Variants in RAP1GAP2 observed in about 807,000 individuals in gnomAD.
RAP1GAP2 encodes rap1 GTPase-activating protein 2.
A neutral mutation model predicts 95.0 loss-of-function variants in RAP1GAP2; 27 were observed. The ratio of observed to expected loss-of-function variants is 0.28; its 90% CI spans 0.21 to 0.39. RAP1GAP2 has a LOEUF of 0.39. Among genes scored for constraint, RAP1GAP2 ranks in the 10% least tolerant of loss-of-function variants. RAP1GAP2 has a pLI of 1.00. For missense variants in RAP1GAP2, 771 were observed against 970.0 expected (o/e 0.79, Z 2.72); for synonymous variants, 373 against 380.9 (o/e 0.98, Z 0.24).
chr17:2,850,858 CGAG>C (rs1179647828), intron 2 of RAP1GAP2, among the ~76,000 whole-genome samples: 20 of 151,818 alleles, frequency 1.3e-4, no homozygotes, highest in Admixed American at 1.3e-3. Context: ...GTCAGGAGTT[CGAG>C]ATCAGCCTGG....
chr17:2,993,147 A>G (rs937876598), intron 12 of RAP1GAP2, among the ~76,000 whole-genome samples: 53 of 150,840 alleles, frequency 3.5e-4, no homozygotes, highest in Admixed American at 3.3e-4. Flanking sequence ...GCTTGAACCC[A>G]AAAGGCAGTG....
chr17:2,965,623 G>T lies in RAP1GAP2; in HGVS notation c.576G>T (p.Glu192Asp). 6.2e-7 allele frequency: 1 copy of T among 1,610,228 alleles called. No homozygotes were observed. The highest frequency in any genetic ancestry group is 1.8e-4 in the Middle Eastern group (1 of 5,584). Reference protein sequence around the residue: ...SVKCEEAEGIEYLRVILRSKL... With the variant: ...SVKCEEAEGIDYLRVILRSKL... ...AGTGCGAGGAAGCAGAGGGGATCGA[G>T]TACCTCCGGGTCATCCTTAGGTAGG... Residue 192 changes from glutamate to aspartate, a missense_variant, in exon 8 of 25, where the codon GAG (glutamate) becomes GAT (aspartate). Physicochemically the swap from Glu to Asp is conservative, Grantham distance 45. Transcript: ENST00000254695. This position sits in a 1 kb window ranked among gnomAD's most constrained non-coding sequence, Gnocchi z 4.7.
At position 3,029,498 on chromosome 17, in the gene RAP1GAP2, C is replaced by A. The variant is rs934350545; in HGVS notation, c.2108-1424C>A. On this transcript the variant is annotated intron_variant, in intron 22 of 24. Coordinates refer to ENST00000254695, the MANE Select transcript of RAP1GAP2 (RefSeq NM_015085.5). The surrounding 1 kb of genome is among the most constrained non-coding windows in gnomAD (Gnocchi z 4.4). The stretch of plus-strand genomic sequence containing the variant: ...CTGTTTGGCTGAGTCTGGGGAGAGG[C>A]AGGGTGGAGTGGGGAGAGGTGGCCT... 2.6e-5 allele frequency among the ~76,000 whole-genome samples: 4 copies of A among 152,068 alleles called. No individual in the cohort carries two copies. Among genetic ancestry groups the A allele is most frequent in the Admixed American group, 1.3e-4 (2 of 15,256 alleles).
intron 17 of RAP1GAP2, among the ~76,000 whole-genome samples, chr17:3,017,369 C>G (rs1306340894): frequency 6.6e-6 from 1 of 151,908 alleles, no homozygotes; most frequent in Non-Finnish European, 1.5e-5. Flanking sequence ...GCATCTCTTT[C>G]AGCACCTCCA....
At chr17:2,947,931 TC>T (rs1300035006) in intron 3 of RAP1GAP2, among the ~76,000 whole-genome samples, 1 of 151,830 alleles carries the variant, frequency 6.6e-6, no homozygotes, top group African/African-American at 2.4e-5. Flanking sequence ...GGCCCGCATC[TC>T]CCCCCGATTT....
intron 19 of RAP1GAP2, among the ~76,000 whole-genome samples, chr17:3,024,974 T>C (rs2151655928): frequency 6.6e-6 from 1 of 152,300 alleles, no homozygotes; most frequent in East Asian, 1.9e-4. Flanking sequence ...AATCAGATGG[T>C]GGTGATAGTT....
intron 8 of RAP1GAP2, among the ~76,000 whole-genome samples, chr17:2,978,483 G>T (rs931169685): frequency 6.6e-6 from 1 of 152,170 alleles, no homozygotes; most frequent in Admixed American, 6.5e-5. Flanking sequence ...GAGTGGGATG[G>T]TGGAAGATTT....
At chr17:2,840,274 C>T (rs1198656453) in intron 2 of RAP1GAP2, among the ~76,000 whole-genome samples, 3 of 151,980 alleles carry the variant, frequency 2.0e-5, no homozygotes, top group Admixed American at 2.0e-4. Context: ...AGCGATTCTC[C>T]TGCCTCAGCC....
intron 8 of RAP1GAP2, among the ~76,000 whole-genome samples, chr17:2,977,382 C>T (rs2045168265): frequency 6.6e-6 from 1 of 152,104 alleles, no homozygotes; most frequent in African/African-American, 2.4e-5. Flanking sequence ...ACAGCAGGCC[C>T]AGAGATGTCA....
At position 3,037,539 on chromosome 17, in the gene RAP1GAP2, GC is replaced by G. The variant is rs2047507158; in HGVS notation, c.*4179del. On this transcript the variant is annotated 3_prime_UTR_variant, in exon 25 of 25. Coordinates refer to ENST00000254695, the MANE Select transcript of RAP1GAP2 (RefSeq NM_015085.5). ...TGATGCTCCATGTGACGACGACTTT[GC>G]TTTCTTTCCTCTTAGTGAGGAGGTG... The G allele has an allele frequency of 6.6e-6, 1 of 152,320 alleles. No individual in the cohort carries two copies. The highest frequency in any genetic ancestry group is 1.5e-5 in the Non-Finnish European group (1 of 67,982). The allele number at this position is 152,320 out of a possible 1,614,324, so 9.4% of individuals were successfully genotyped here.
chr17:2,984,040 A>T (rs1372069194), intron 10 of RAP1GAP2, among the ~76,000 whole-genome samples: 1 of 152,210 alleles, frequency 6.6e-6, no homozygotes, highest in African/African-American at 2.4e-5. Flanking sequence ...CTACATAGGT[A>T]AAAACAGTGG....
At chr17:2,947,099 GCACTGC>G (rs2151445028) in intron 3 of RAP1GAP2, among the ~76,000 whole-genome samples, 1 of 152,308 alleles carries the variant, frequency 6.6e-6, no homozygotes, top group East Asian at 1.9e-4. Flanking sequence ...TGTGGCATTA[GCACTGC>G]CACACTTAAC....
At chr17:2,770,499 C>A (rs369871781) in intron 2 of RAP1GAP2, 1 of 398,448 alleles carries the variant, frequency 2.5e-6, no homozygotes, top group Admixed American at 4.4e-5. Context: ...GCCCAGGCCT[C>A]TCAGCTGGTA....
At chr17:2,803,490 A>G (rs573185307) in intron 2 of RAP1GAP2, among the ~76,000 whole-genome samples, 1 of 152,372 alleles carries the variant, frequency 6.6e-6, no homozygotes, top group East Asian at 1.9e-4. Context: ...GCTTCTTTGC[A>G]GACATGGATA....
At chr17:2,816,496 C>T (rs374886911) in intron 2 of RAP1GAP2, among the ~76,000 whole-genome samples, 1 of 152,030 alleles carries the variant, frequency 6.6e-6, no homozygotes, top group Non-Finnish European at 1.5e-5. Flanking sequence ...CGACACCACA[C>T]CTGGCTAATT....
At chr17:2,863,148 G>A (rs1002390428) in intron 2 of RAP1GAP2, among the ~76,000 whole-genome samples, 3 of 152,056 alleles carry the variant, frequency 2.0e-5, no homozygotes, top group Admixed American at 6.6e-5. Flanking sequence ...TTCTGAGTGC[G>A]GGGGTCCTGG....
chr17:3,026,443 C>T lies in RAP1GAP2; in HGVS notation c.1959C>T (p.Ala653=), dbSNP rs182357776. The T allele has an allele frequency of 1.3e-6, 2 of 1,551,778 alleles. No individual in the cohort carries two copies. Among genetic ancestry groups the T allele is most frequent in the Non-Finnish European group, 1.7e-6 (2 of 1,147,274 alleles). ...SVSSTAGEGE[A]MEEGDSGGSQ... ...GCAGCACTGCAGGGGAGGGCGAGGCCATGGAGGAGGGCGACAGTGGGGTAG... is the reference window on the plus strand; with the variant it reads ...GCAGCACTGCAGGGGAGGGCGAGGCTATGGAGGAGGGCGACAGTGGGGTAG... Residue 653 remains alanine, a synonymous_variant, in exon 21 of 25, where the codon GCC becomes GCT. Coordinates refer to ENST00000254695, the MANE Select transcript of RAP1GAP2 (RefSeq NM_015085.5).
intron 3 of RAP1GAP2, among the ~76,000 whole-genome samples, chr17:2,912,699 G>A (rs927372717): frequency 4.6e-5 from 7 of 152,248 alleles, no homozygotes; most frequent in East Asian, 1.9e-4. Flanking sequence ...TCTCCACATC[G>A]ATTGTGTTTC....
At chr17:2,787,870 G>A (rs1364667547) in intron 1 of RAP1GAP2, among the ~76,000 whole-genome samples, 4 of 152,144 alleles carry the variant, frequency 2.6e-5, no homozygotes, top group Non-Finnish European at 5.9e-5. Context: ...CCCAGCCTGT[G>A]CCTGTTTTTT....
Sources: gnomAD v4.1 joint callset for allele counts (sites outside exome capture counted in the v4.1 genomes callset) on GRCh38, gnomAD v4.1.1 for gene constraint, Gnocchi (gnomAD v3.1) non-coding constraint, MANE v1.5 for transcripts, NCBI Gene and HGNC (gene_info 2026-07-23, HGNC 2026-07-21) for gene names.